Variants in HELZ observed in about 807,000 individuals in gnomAD.
HELZ encodes helicase with zinc finger, also known as ATP-dependent RNA helicase with zinc finger domain.
In HELZ, 23 loss-of-function variants were observed where a neutral mutation model predicts 218.2. That is an observed-to-expected ratio of 0.11 (90% confidence interval 0.08 to 0.15). The LOEUF is 0.15. HELZ is among the 10% of genes least tolerant of loss of function. The pLI is 1.00. For missense variants in HELZ, 1,813 were observed against 2,353.7 expected, an observed-to-expected ratio of 0.77 and a Z score of 4.75; for synonymous variants, 814 against 829.4, an observed-to-expected ratio of 0.98 and a Z score of 0.32.
At chr17:67,084,932 C>T (rs1322681888) in intron 32 of HELZ, among the ~76,000 whole-genome samples, 2 of 152,068 alleles carry the variant, frequency 1.3e-5, no homozygotes, top group Admixed American at 6.5e-5. Context: ...ACGATGTAGC[C>T]CCGCCTCTAC....
chr17:67,128,098 C>T (rs968491488), intron 24 of HELZ, among the ~76,000 whole-genome samples: 4 of 152,086 alleles, frequency 2.6e-5, no homozygotes, highest in Admixed American at 1.3e-4. Flanking sequence ...GCCTTGACTC[C>T]CCTGCTCCAC....
chr17:67,228,384 C>T (rs760178196), intron 3 of HELZ, among the ~76,000 whole-genome samples: 1 of 152,132 alleles, frequency 6.6e-6, no homozygotes, highest in African/African-American at 2.4e-5. Flanking sequence ...TGTGGAAATT[C>T]GGTTACTAAC....
intron 3 of HELZ, among the ~76,000 whole-genome samples, chr17:67,220,722 G>A (rs1313007417): frequency 6.6e-6 from 1 of 151,894 alleles, no homozygotes; most frequent in East Asian, 1.9e-4. Context: ...AAACTCCTGG[G>A]CTCAAGCTGT....
intron 13 of HELZ, among the ~76,000 whole-genome samples, chr17:67,170,943 C>T (rs61282172): frequency 0.076 from 11,582 of 151,796 alleles, 1,460 homozygotes; most frequent in African/African-American, 0.26. Flanking sequence ...GTCATTAAAA[C>T]TTTCTCAGAG....
upstream of HELZ, chr17:67,245,229 T>G (rs2041450883): frequency 1.4e-5 from 14 of 983,982 alleles, no homozygotes; most frequent in African/African-American, 3.5e-5. Context: ...GCCTTTAAAG[T>G]GACTCCCCCC....
At chr17:67,093,046 T>G (rs776087517) in intron 31 of HELZ, among the ~76,000 whole-genome samples, 1 of 152,006 alleles carries the variant, frequency 6.6e-6, no homozygotes, top group Non-Finnish European at 1.5e-5. Flanking sequence ...GATGAACAAG[T>G]TGAAAAAAGG....
At chr17:67,153,497 C>A (rs886144424) in intron 17 of HELZ, among the ~76,000 whole-genome samples, 1 of 152,180 alleles carries the variant, frequency 6.6e-6, no homozygotes, top group African/African-American at 2.4e-5. Flanking sequence ...GTTAGGAAAA[C>A]CAAAGCCCAA....
intron 31 of HELZ, among the ~76,000 whole-genome samples, chr17:67,094,489 T>C (rs1567794777): frequency 1.3e-5 from 2 of 152,172 alleles, no homozygotes; most frequent in Non-Finnish European, 2.9e-5. Flanking sequence ...ATTGCAGGTT[T>C]GGTTCCAAAC....
upstream of HELZ, chr17:67,245,638 C>G (rs1364132296): frequency 3.5e-6 from 2 of 579,462 alleles, no homozygotes; most frequent in Non-Finnish European, 4.4e-6. Context: ...CGGCCGGGGT[C>G]GCCTTCAGAG....
intron 3 of HELZ, among the ~76,000 whole-genome samples, chr17:67,228,430 A>G (rs2040948801): frequency 6.6e-6 from 1 of 152,160 alleles, no homozygotes. Flanking sequence ...TGGGAGGCCC[A>G]GGCCAGCAGA....
In HELZ at chr17:67,110,492, A is replaced by C. The variant is rs576083206; in HGVS notation, c.3919-806T>G. On this transcript the variant is annotated intron_variant, in intron 28 of 32. Transcript: ENST00000358691. ...AAGTACTATATCACCTTTGTATATAACTAGTTTGGTTGTCAATTTTTCCAT... is the reference window on the plus strand; with the variant it reads ...AAGTACTATATCACCTTTGTATATACCTAGTTTGGTTGTCAATTTTTCCAT... 2.0e-5 allele frequency among the ~76,000 whole-genome samples: 3 copies of C among 152,368 alleles called. No homozygotes were observed. In the East Asian group the frequency reaches 5.8e-4, roughly 29 times the overall value.
chr17:67,244,675 C>A (rs974735556), intron 1 of HELZ: 17 of 981,396 alleles, frequency 1.7e-5, no homozygotes, highest in Non-Finnish European at 1.9e-5. Flanking sequence ...CCCACGCCCC[C>A]GCTCCAGCCC....
intron 32 of HELZ, among the ~76,000 whole-genome samples, chr17:67,079,341 A>G (rs2036115398): frequency 6.6e-6 from 1 of 152,250 alleles, no homozygotes; most frequent in African/African-American, 2.4e-5. Flanking sequence ...TCTAAATACC[A>G]GAGATAAGCC....
intron 3 of HELZ, among the ~76,000 whole-genome samples, chr17:67,221,610 G>C (rs893637232): frequency 1.3e-5 from 2 of 152,136 alleles, no homozygotes; most frequent in African/African-American, 4.8e-5. Flanking sequence ...CATAGCCTGG[G>C]GCAAGTGGCT....
At position 67,128,866 on chromosome 17, in the gene HELZ, G is replaced by C. The variant is rs113508272; in HGVS notation, c.3183-11C>G. On this transcript the variant is annotated splice_polypyrimidine_tract_variant and intron_variant, in intron 23 of 32. Coordinates refer to ENST00000358691, the MANE Select transcript of HELZ (RefSeq NM_014877.4). The stretch of plus-strand genomic sequence containing the variant: ...CGTTCCCAAAATTTCCTACAGAAAA[G>C]ATTTACAAGATCAGATTACAATTCA... The C allele has an allele frequency of 4.4e-5, 70 of 1,584,298 alleles. No individual in the cohort carries two copies. The highest frequency in any genetic ancestry group is 2.4e-4 in the African/African-American group (18 of 74,266).
intron 30 of HELZ, 57 bp from the exon 31 acceptor site, chr17:67,107,742 AAG>A (rs1408958592): frequency 6.8e-7 from 1 of 1,472,098 alleles, no homozygotes; most frequent in African/African-American, 1.4e-5. Flanking sequence ...ACATTAAGGA[AAG>A]CTTAGTCAAC....
In HELZ at chr17:67,120,581, G is replaced by T. The variant is rs759044812; in HGVS notation, c.3662C>A (p.Ala1221Glu). 1.4e-5 allele frequency: 23 copies of T among 1,612,532 alleles called. No individual in the cohort carries two copies. Among genetic ancestry groups the T allele is most frequent in the Non-Finnish European group, 4.2e-6 (5 of 1,179,696 alleles). The change falls in exon 27 of 33, where the codon GCA becomes GAA. Residue 1221 changes from alanine (A) to glutamate (E), a missense_variant. Transcript: ENST00000358691. Reference protein sequence around the residue: ...VPWTGYQGRFAVDPRIITHQA... With the variant: ...VPWTGYQGRFEVDPRIITHQA... ...ATGTGTAATAATTCGAGGATCAACT[G>T]CAAACCTACCCTGGTATCCTGTCCA...
chr17:67,241,957 T>C lies in HELZ; in HGVS notation c.-76+1827A>G, dbSNP rs1324489856. 2.6e-5 allele frequency among the ~76,000 whole-genome samples: 4 copies of C among 152,358 alleles called. No homozygotes were observed. The South Asian group carries it at 6.2e-4, about 24-fold the overall frequency. ...ATACTAACACTTCACAGAGTCTACATGTGTGAGAACTGTGGAAAATGTCTT... is the reference window on the plus strand; with the variant it reads ...ATACTAACACTTCACAGAGTCTACACGTGTGAGAACTGTGGAAAATGTCTT... On this transcript the variant is annotated intron_variant, in intron 2 of 32. Coordinates refer to ENST00000358691, the MANE Select transcript of HELZ (RefSeq NM_014877.4).
chr17:67,235,289 G>A (rs1479523759), intron 3 of HELZ, among the ~76,000 whole-genome samples: 1 of 152,040 alleles, frequency 6.6e-6, no homozygotes, highest in Non-Finnish European at 1.5e-5. Flanking sequence ...GGTGGATCAC[G>A]AGGTCAGAAG....
Sources: gnomAD v4.1 joint callset for allele counts (sites outside exome capture counted in the v4.1 genomes callset) on GRCh38, gnomAD v4.1.1 for gene constraint, MANE v1.5 for transcripts, NCBI Gene and HGNC (gene_info 2026-07-23, HGNC 2026-07-21) for gene names.